The following STK10 variants were observed in gnomAD, a reference collection of about 807,000 sequenced individuals.
The protein encoded by STK10 is serine/threonine kinase 10, also known as serine/threonine-protein kinase 10.
Under a neutral mutation model 113.8 loss-of-function variants are expected in STK10, and 78 were observed. The ratio of observed to expected loss-of-function variants is 0.69; its 90% CI spans 0.57 to 0.83. The LOEUF (loss-of-function observed/expected upper bound fraction) is 0.83. Ranked by LOEUF, STK10 falls within the 40% of genes least tolerant of loss-of-function variation. The probability of loss-of-function intolerance (pLI) is 0.00; values close to 1 mark genes in which losing one functional copy is unlikely to be tolerated. For missense variants in STK10, 1,109 were observed against 1,280.1 expected, an observed-to-expected ratio of 0.87 and a Z score of 2.04; for synonymous variants, 465 against 494.7, an observed-to-expected ratio of 0.94 and a Z score of 0.80.
rs1047472994 is a variant in STK10, at chr5:172,091,680, G to A, written c.1555-1318C>T. Among the ~76,000 whole-genome samples, 9 of 152,094 alleles carry A rather than the reference G, an allele frequency of 5.9e-5. 1 individual carries two copies. The highest frequency in any genetic ancestry group is 1.3e-4 in the Admixed American group (2 of 15,268). On this transcript the variant is annotated intron_variant, in intron 9 of 18. Coordinates refer to ENST00000176763, the MANE Select transcript of STK10 (RefSeq NM_005990.4). Reference sequence around the variant, plus strand: ...TGAGTGGCTGGGATTACAGGCATGCGCCACCACGCCCGGCTAATTTTTTAA... The same window carrying A: ...TGAGTGGCTGGGATTACAGGCATGCACCACCACGCCCGGCTAATTTTTTAA...
chr5:172,165,306 G>A (rs1198173795), intron 1 of STK10, among the ~76,000 whole-genome samples: 1 of 152,212 alleles, frequency 6.6e-6, no homozygotes, highest in Non-Finnish European at 1.5e-5. Flanking sequence ...CTCTGCAGAT[G>A]AGGAAGCTGA....
At chr5:172,079,547 ATATTTATTTATT>A (rs554176659) in intron 12 of STK10, among the ~76,000 whole-genome samples, 1 of 140,324 alleles carries the variant, frequency 7.1e-6, no homozygotes, top group African/African-American at 2.8e-5. Context: ...ATATATACAT[ATATTTATTTATT>A]TATTTATTTA....
chr5:172,136,253 C>CCTG (rs1374552254), intron 2 of STK10, among the ~76,000 whole-genome samples: 3 of 152,088 alleles, frequency 2.0e-5, no homozygotes, highest in Non-Finnish European at 4.4e-5. Flanking sequence ...CATGAAGAAA[C>CCTG]AGAAGACCTG....
At chr5:172,095,490 C>T (rs1561805384) in intron 8 of STK10, among the ~76,000 whole-genome samples, 1 of 152,228 alleles carries the variant, frequency 6.6e-6, no homozygotes, top group Non-Finnish European at 1.5e-5. Context: ...AGCCACTTCA[C>T]TGTATCGATC....
At position 172,070,166 on chromosome 5, in the gene STK10, T is replaced by C. The variant is rs1005607703; in HGVS notation, c.1990-5354A>G. ...GGGGGGCTGAGGCAGGAGAATCACT[T>C]GAACCCGGGAGGCAGAGGTTGCAGT... On this transcript the variant is annotated intron_variant, in intron 12 of 18. Transcript: ENST00000176763. 5.3e-5 allele frequency among the ~76,000 whole-genome samples: 8 copies of C among 152,004 alleles called. No individual in the cohort carries two copies. In the East Asian group the frequency reaches 1.5e-3, roughly 29 times the overall value.
intron 9 of STK10, among the ~76,000 whole-genome samples, chr5:172,091,836 G>C (rs1768717181): frequency 6.6e-6 from 1 of 152,190 alleles, no homozygotes; most frequent in South Asian, 2.1e-4. Context: ...CCGGCCCAAA[G>C]ACTCTTTTTG....
At position 172,180,210 on chromosome 5, in the gene STK10, T is replaced by A. The variant is rs1223117240; in HGVS notation, c.156+7677A>T. 2.6e-5 allele frequency among the ~76,000 whole-genome samples: 4 copies of A among 152,256 alleles called. 1 individual carries two copies. The highest frequency in any genetic ancestry group is 4.8e-5 in the African/African-American group (2 of 41,474). ...CGGGCGTGGTGGCTCACGCCTGTAA[T>A]CCCAGCAGTTTGGGAGGCCGAGGCG... On this transcript the variant is annotated intron_variant, in intron 1 of 18. Coordinates refer to ENST00000176763, the MANE Select transcript of STK10 (RefSeq NM_005990.4).
chr5:172,099,914 T>C (rs566717952), intron 7 of STK10, among the ~76,000 whole-genome samples: 1 of 152,272 alleles, frequency 6.6e-6, no homozygotes, highest in Admixed American at 6.5e-5. Flanking sequence ...TGAGGCAGAA[T>C]CATCTGCCCA....
At chr5:172,097,228 C>T (rs369602386) in intron 7 of STK10, among the ~76,000 whole-genome samples, 14 of 152,106 alleles carry the variant, frequency 9.2e-5, no homozygotes, top group African/African-American at 2.4e-4. Context: ...TTAGTAGAGA[C>T]GGGGTTTCAC....
At chr5:172,087,689 C>A (rs1310273428) in intron 10 of STK10, among the ~76,000 whole-genome samples, 1 of 136,256 alleles carries the variant, frequency 7.3e-6, no homozygotes, top group Non-Finnish European at 1.6e-5. Flanking sequence ...ACTGCAGTGG[C>A]GCAATCTCGG....
Position 172,044,658 on chromosome 5 carries a change from G to C in STK10, c.*224C>G. 1.6e-6 allele frequency: 1 copy of C among 642,616 alleles called. No individual in the cohort carries two copies. Among genetic ancestry groups the C allele is most frequent in the Non-Finnish European group, 2.7e-6 (1 of 376,256 alleles). 39.8% of individuals were successfully genotyped at this position (642,616 alleles called of 1,614,324 possible). On this transcript the variant is annotated 3_prime_UTR_variant, in exon 19 of 19. Coordinates refer to ENST00000176763, the MANE Select transcript of STK10 (RefSeq NM_005990.4). This position sits in a 1 kb window ranked among gnomAD's most constrained non-coding sequence, Gnocchi z 4.5. Reference sequence around the variant, plus strand: ...GGGGCTCAAGGAGAATATACATTAGGTTCAGGTGACAAATAATTACACCTC... The same window carrying C: ...GGGGCTCAAGGAGAATATACATTAGCTTCAGGTGACAAATAATTACACCTC...
Position 172,093,321 on chromosome 5 carries a change from A to C in STK10, c.1554+91T>G, listed in dbSNP as rs1472520232. 7.3e-7 allele frequency: 1 copy of C among 1,368,336 alleles called. No individual in the cohort carries two copies. Among genetic ancestry groups the C allele is most frequent in the Non-Finnish European group, 1.0e-6 (1 of 1,002,982 alleles). The allele number at this position is 1,368,336 out of a possible 1,614,324, so 84.8% of individuals were successfully genotyped here. A position where few individuals can be genotyped will look rare whatever the true frequency, so the allele number is the denominator to read the frequency against. ...CTAATGAACCACTTAAAATGCAAGG[A>C]AGCCCCTAAATGCTTTTGAAACCAA... On this transcript the variant is annotated intron_variant, in intron 9 of 18. Coordinates refer to ENST00000176763, the MANE Select transcript of STK10 (RefSeq NM_005990.4). The surrounding 1 kb of genome is among the most constrained non-coding windows in gnomAD (Gnocchi z 4.1).
In STK10 at chr5:172,187,896, C is replaced by T. The variant is rs1770986806; in HGVS notation, c.147G>A (p.Lys49=). Residue 49 remains lysine (K), a synonymous_variant, in exon 1 of 19, where the codon AAG becomes AAA. Transcript: ENST00000176763. The surrounding 1 kb of genome is among the most constrained non-coding windows in gnomAD (Gnocchi z 4.6). ...ACCTCAGCGCCCTCACCTTGTAAAC[C>T]TTGCCGAAGGCGCCGTCGCCCAGCT... ...VGELGDGAFG[K]VYKAKNKETG... 6.2e-7 allele frequency: 1 copy of T among 1,613,258 alleles called. No homozygotes were observed. The highest frequency in any genetic ancestry group is 8.5e-7 in the Non-Finnish European group (1 of 1,179,714).
intron 9 of STK10, among the ~76,000 whole-genome samples, chr5:172,090,603 T>C (rs1768678480): frequency 6.6e-6 from 1 of 152,158 alleles, no homozygotes; most frequent in Non-Finnish European, 1.5e-5. Context: ...CCTACCTTGC[T>C]GCCAGCACCT....
At chr5:172,057,102 A>C in intron 15 of STK10, 1 of 490,224 alleles carries the variant, frequency 2.0e-6, no homozygotes, top group South Asian at 2.5e-5. Flanking sequence ...AGCAAGTAAC[A>C]GTCAGTGAGG....
At chr5:172,048,502 G>A (rs1343937493) in intron 18 of STK10, among the ~76,000 whole-genome samples, 2 of 147,692 alleles carry the variant, frequency 1.4e-5, no homozygotes, top group African/African-American at 5.1e-5. Context: ...AGACTAATAC[G>A]GCCCAGAGCG....
In STK10 at chr5:172,093,651, G is replaced by A. The variant is rs1016411761; in HGVS notation, c.1315C>T (p.Pro439Ser). ...GCCTTTTGAGATCTGTTGGCTGCTG[G>A]GCTGAGGTCCCCACCCTGCTCAGCA... is the stretch of plus-strand genomic sequence containing the variant. ...QVAEQGGDLS[P>S]AANRSQKASQ... is the part of the protein sequence containing the mutation. Residue 439 changes from proline to serine, a missense_variant, in exon 9 of 19, where the codon CCA (proline) becomes TCA (serine). By Grantham distance (74) the Pro-to-Ser change is moderately conservative. Coordinates refer to ENST00000176763, the MANE Select transcript of STK10 (RefSeq NM_005990.4). The surrounding 1 kb of genome is among the most constrained non-coding windows in gnomAD (Gnocchi z 4.1). The A allele has an allele frequency of 1.2e-6, 2 of 1,614,108 alleles. No individual in the cohort carries two copies. The highest frequency in any genetic ancestry group is 1.7e-5 in the Admixed American group (1 of 60,004).
In STK10 at chr5:172,064,797, C is replaced by G; in HGVS notation, c.2005G>C (p.Glu669Gln). The G allele has an allele frequency of 6.2e-7, 1 of 1,614,158 alleles. No homozygotes were observed. Among genetic ancestry groups the G allele is most frequent in the East Asian group, 2.2e-5 (1 of 44,884 alleles). ...LMKKEVKNEV[E>Q]KLPRQQRKES... Reference sequence around the variant, plus strand: ...TTCCGCTGCTGTCGGGGGAGCTTCTCCACCTCGTTCTTCACCTGCAGCAGA... The same window carrying G: ...TTCCGCTGCTGTCGGGGGAGCTTCTGCACCTCGTTCTTCACCTGCAGCAGA... Residue 669 changes from glutamate to glutamine, a missense_variant, in exon 13 of 19, where the codon GAG becomes CAG. Glu to Gln is a conservative substitution (Grantham distance 29, BLOSUM62 2). Transcript: ENST00000176763.
rs890018208 is a variant in STK10 at position 172,103,340 on chromosome 5, C to T, written c.870+2316G>A. On this transcript the variant is annotated intron_variant, in intron 7 of 18. Coordinates refer to ENST00000176763, the MANE Select transcript of STK10 (RefSeq NM_005990.4). ...AGGTGCTTTATTCATCTCCAGAGAT[C>T]GCTCCTTTGTTCTGCAACCCTTTCT... Among the ~76,000 whole-genome samples the T allele has an allele frequency of 5.3e-5, 8 of 152,242 alleles. No individual in the cohort carries two copies. The South Asian group carries it at 1.4e-3, about 28-fold the overall frequency.
Sources: allele counts gnomAD v4.1 joint callset (sites outside exome capture counted in the v4.1 genomes callset), GRCh38; gene constraint gnomAD v4.1.1; non-coding constraint Gnocchi (gnomAD v3.1); transcripts MANE v1.5; gene names NCBI Gene and HGNC (gene_info 2026-07-23, HGNC 2026-07-21).